IL1RAPL1: variants seen among roughly 807,000 people sequenced by gnomAD.
The protein encoded by IL1RAPL1 is interleukin-1 receptor accessory protein-like 1.
In IL1RAPL1, 3 loss-of-function variants were observed where a neutral mutation model predicts 48.4. That is an observed-to-expected ratio of 0.06 (90% confidence interval 0.03 to 0.16). The LOEUF is 0.16. Ranked by LOEUF, IL1RAPL1 falls within the 10% of genes least tolerant of loss-of-function variation. IL1RAPL1 has a pLI of 1.00. For synonymous variants in IL1RAPL1, 185 were observed against 187.7 expected (o/e 0.99, Z 0.12); for missense variants, 349 against 530.6 (o/e 0.66, Z 3.36).
At chrX:29,878,727 G>A (rs1448433203) in intron 6 of IL1RAPL1, among the ~76,000 whole-genome samples, 1 of 111,960 alleles carries the variant, frequency 8.9e-6, no homozygotes, top group Non-Finnish European at 1.9e-5. Context: ...TTCTGTCACT[G>A]TCTATAATTT....
In IL1RAPL1 at chrX:29,340,424, A is replaced by G. The variant is rs748646603; in HGVS notation, c.363-55834A>G. The stretch of plus-strand genomic sequence containing the variant: ...TACCTATTCTTTATATTTAATATAA[A>G]TGAATTCACACAATATGTGACTTTT... On this transcript the variant is annotated intron_variant, in intron 3 of 10. Transcript: ENST00000378993. Among the ~76,000 whole-genome samples the G allele has an allele frequency of 1.7e-3, 187 of 112,242 alleles. 1 individual carries two copies. The highest frequency in any genetic ancestry group is 5.5e-3 in the African/African-American group (171 of 30,908).
At chrX:29,470,974 A>G (rs749618718) in intron 5 of IL1RAPL1, among the ~76,000 whole-genome samples, 3 of 111,974 alleles carry the variant, frequency 2.7e-5, no homozygotes, top group Non-Finnish European at 3.8e-5. Context: ...TGATATATTT[A>G]CAAAGTTATG....
At chrX:28,968,632 A>G (rs1924979209) in intron 2 of IL1RAPL1, among the ~76,000 whole-genome samples, 1 of 112,907 alleles carries the variant, frequency 8.9e-6, no homozygotes, top group Non-Finnish European at 1.9e-5. Flanking sequence ...TGAGTTAAGC[A>G]TTGTGTAGAA....
intron 2 of IL1RAPL1, among the ~76,000 whole-genome samples, chrX:28,890,363 T>G (rs1258668355): frequency 9.0e-5 from 10 of 111,580 alleles, no homozygotes; most frequent in Non-Finnish European, 3.8e-5. Flanking sequence ...AAAGTGTGTT[T>G]GAGTTTCAAG....
At chrX:29,240,116 G>C (rs1197949822) in intron 2 of IL1RAPL1, among the ~76,000 whole-genome samples, 2 of 99,463 alleles carry the variant, frequency 2.0e-5, no homozygotes, top group Admixed American at 1.1e-4. Context: ...ACAGGTTCTG[G>C]GGATTAGGAC....
At chrX:29,011,259 G>C (rs991736839) in intron 2 of IL1RAPL1, among the ~76,000 whole-genome samples, 6 of 111,735 alleles carry the variant, frequency 5.4e-5, no homozygotes, top group African/African-American at 2.0e-4. Context: ...ATATAACTTA[G>C]CCATTCAAGA....
Position 29,707,940 on chromosome X carries a change from TAATAAAATAA to T in IL1RAPL1, c.778+39458_778+39467del, listed in dbSNP as rs200789169. Among the ~76,000 whole-genome samples the T allele has an allele frequency of 4.5e-3, 488 of 107,941 alleles. 4 individuals are homozygous for T. Among genetic ancestry groups the T allele is most frequent in the African/African-American group, 0.015 (442 of 29,455 alleles). 93.7% of individuals were successfully genotyped at this position (107,941 alleles called of 115,157 possible). A position where few individuals can be genotyped will look rare whatever the true frequency, so the allele number is the denominator to read the frequency against. On this transcript the variant is annotated intron_variant, in intron 6 of 10. Transcript: ENST00000378993. ...CCTGTTCCCCAGAAACCTATTGAAA[TAATAAAATAA>T]AATAAAATAAAATAAAATAAATATA...
intron 5 of IL1RAPL1, among the ~76,000 whole-genome samples, chrX:29,451,371 T>A (rs1358705840): frequency 1.8e-5 from 2 of 109,374 alleles, no homozygotes; most frequent in Admixed American, 9.8e-5. Flanking sequence ...ATTTTTTTAT[T>A]TTTAATAGAG....
chrX:28,930,022 A>G lies in IL1RAPL1; in HGVS notation c.82+140597A>G, dbSNP rs765525741. Reference sequence around the variant, plus strand: ...CATCAAAAGCTTAAATAACGAAGGTAAGAGTCAGTATTCTGTGGACAGCTT... The same window carrying G: ...CATCAAAAGCTTAAATAACGAAGGTGAGAGTCAGTATTCTGTGGACAGCTT... On this transcript the variant is annotated intron_variant, in intron 2 of 10. Transcript: ENST00000378993. 8.9e-5 allele frequency among the ~76,000 whole-genome samples: 10 copies of G among 112,392 alleles called. No individual in the cohort carries two copies. The East Asian group carries it at 2.8e-3, about 31-fold the overall frequency.
At chrX:29,284,648 G>A (rs970671008) in intron 3 of IL1RAPL1, among the ~76,000 whole-genome samples, 1 of 112,039 alleles carries the variant, frequency 8.9e-6, no homozygotes, top group African/African-American at 3.2e-5. Context: ...GGGAGGCTGA[G>A]GCAAAAGAAT....
At chrX:29,532,187 C>G (rs892606962) in intron 5 of IL1RAPL1, among the ~76,000 whole-genome samples, 1 of 111,715 alleles carries the variant, frequency 9.0e-6, no homozygotes, top group Non-Finnish European at 1.9e-5. Flanking sequence ...GAGAGTGACC[C>G]GAGTGTTTAT....
intron 1 of IL1RAPL1, among the ~76,000 whole-genome samples, chrX:28,759,248 A>AAAT (rs1396408095): frequency 9.1e-6 from 1 of 109,824 alleles, no homozygotes; most frequent in African/African-American, 3.3e-5. Flanking sequence ...CAAAAAAAAA[A>AAAT]AATAATAATA....
At chrX:29,041,232 A>G (rs1189272998) in intron 2 of IL1RAPL1, among the ~76,000 whole-genome samples, 1 of 111,903 alleles carries the variant, frequency 8.9e-6, no homozygotes, top group Non-Finnish European at 1.9e-5. Flanking sequence ...TTGGAAGCCT[A>G]TCTCAAATCT....
At chrX:28,609,799 T>C (rs891523113) in intron 1 of IL1RAPL1, among the ~76,000 whole-genome samples, 1 of 110,526 alleles carries the variant, frequency 9.0e-6, no homozygotes, top group Admixed American at 9.8e-5. Context: ...TGTTATCCAA[T>C]AACCCTCCCT....
At chrX:28,893,405 A>G (rs1042257156) in intron 2 of IL1RAPL1, among the ~76,000 whole-genome samples, 1 of 111,431 alleles carries the variant, frequency 9.0e-6, no homozygotes, top group Non-Finnish European at 1.9e-5. Context: ...CCGGTCCATT[A>G]TAGGACTGTA....
At chrX:29,624,670 T>G (rs184554942) in intron 5 of IL1RAPL1, among the ~76,000 whole-genome samples, 8,581 of 103,913 alleles carry the variant, frequency 0.083, 322 homozygotes, top group Middle Eastern at 0.2. Flanking sequence ...CCCTGTTTTT[T>G]ACAAAAAATA....
chrX:28,723,436 G>A (rs1246026374), intron 1 of IL1RAPL1, among the ~76,000 whole-genome samples: 1 of 110,656 alleles, frequency 9.0e-6, no homozygotes, highest in African/African-American at 3.3e-5. Context: ...GATCAGTGGT[G>A]ATATCCCCTT....
intron 2 of IL1RAPL1, among the ~76,000 whole-genome samples, chrX:29,145,047 G>A (rs1475441307): frequency 3.6e-5 from 4 of 110,944 alleles, no homozygotes; most frequent in Admixed American, 9.6e-5. Flanking sequence ...TTTTTAAAGA[G>A]TGTAAATGTA....
intron 6 of IL1RAPL1, among the ~76,000 whole-genome samples, chrX:29,869,372 C>A (rs1401663758): frequency 9.0e-6 from 1 of 111,728 alleles, no homozygotes; most frequent in African/African-American, 3.3e-5. Context: ...AAGGTAGGCA[C>A]TGTCTCTACA....
Sources: allele counts gnomAD v4.1 joint callset (sites outside exome capture counted in the v4.1 genomes callset), GRCh38; gene constraint gnomAD v4.1.1; transcripts MANE v1.5; gene names NCBI Gene and HGNC (gene_info 2026-07-23, HGNC 2026-07-21).